The following BICC1 variants were observed in gnomAD, a reference collection of about 807,000 sequenced individuals.
BICC1 encodes the protein protein bicaudal C homolog 1.
Under a neutral mutation model 111.0 loss-of-function variants are expected in BICC1, and 43 were observed. The observed-to-expected ratio is 0.39, with a 90% CI of 0.30 to 0.50. The LOEUF (loss-of-function observed/expected upper bound fraction) is 0.50, where lower values mean the gene tolerates loss of function less well. Ranked by LOEUF, BICC1 falls within the 20% of genes least tolerant of loss-of-function variation. BICC1 has a pLI of 0.88. For missense variants in BICC1, 1,091 were observed against 1,203.2 expected (o/e 0.91, Z 1.38); for synonymous variants, 467 against 434.4 (o/e 1.07, Z -0.93).
chr10:58,599,307 A>C lies in BICC1; in HGVS notation c.191-21548A>C, dbSNP rs113699431. ...AAATGTGGCACATATACACCATGGA[A>C]TACTAGGCAGCCCTAAATAGGGACG... On this transcript the variant is annotated intron_variant, in intron 1 of 20. Transcript: ENST00000373886. Among the ~76,000 whole-genome samples the C allele has an allele frequency of 4.6e-3, 699 of 152,330 alleles. 5 individuals are homozygous for C. The highest frequency in any genetic ancestry group is 0.014 in the African/African-American group (595 of 41,584).
At position 58,557,603 on chromosome 10, in the gene BICC1, A is replaced by T. The variant is rs1172211097; in HGVS notation, c.190+44270A>T. Among the ~76,000 whole-genome samples the T allele has an allele frequency of 2.0e-5, 3 of 152,108 alleles. No homozygotes were observed. The East Asian group carries it at 5.8e-4, about 29-fold the overall frequency. ...ATAATTTCTGTTGCTATGACTGTAAATCCAATCTCACATTTTTTTCTCACA... is the reference window on the plus strand; with the variant it reads ...ATAATTTCTGTTGCTATGACTGTAATTCCAATCTCACATTTTTTTCTCACA... On this transcript the variant is annotated intron_variant, in intron 1 of 20. Transcript: ENST00000373886.
chr10:58,637,196 C>T (rs973637293), intron 2 of BICC1, among the ~76,000 whole-genome samples: 2 of 152,106 alleles, frequency 1.3e-5, no homozygotes, highest in Admixed American at 6.5e-5. Flanking sequence ...ACATTTCCTT[C>T]TCGAGTGAAG....
rs1460851312 is a variant in BICC1 at position 58,671,268 on chromosome 10, G to T, written c.238-30806G>T. Reference sequence around the variant, plus strand: ...AATAAGTTGGAAGGGTATTTGTTATGAAAAAACTCTGTAGCAAGGTAGTCC... The same window carrying T: ...AATAAGTTGGAAGGGTATTTGTTATTAAAAAACTCTGTAGCAAGGTAGTCC... On this transcript the variant is annotated intron_variant, in intron 2 of 20. Coordinates refer to ENST00000373886, the MANE Select transcript of BICC1 (RefSeq NM_001080512.3). Among the ~76,000 whole-genome samples, 3 of 152,144 alleles carry T rather than the reference G, an allele frequency of 2.0e-5. No homozygotes were observed. The South Asian group carries it at 6.2e-4, about 32-fold the overall frequency.
chr10:58,652,187 C>G (rs1034137535), intron 2 of BICC1, among the ~76,000 whole-genome samples: 18 of 152,024 alleles, frequency 1.2e-4, no homozygotes, highest in Non-Finnish European at 2.2e-4. Flanking sequence ...ATGAACATAA[C>G]CAATCTATCA....
chr10:58,819,697 C>A lies in BICC1; in HGVS notation c.2695-672C>A, dbSNP rs7902375. 3.2e-3 allele frequency among the ~76,000 whole-genome samples: 491 copies of A among 152,250 alleles called. 2 individuals carry two copies. The highest frequency in any genetic ancestry group is 0.011 in the African/African-American group (474 of 41,558). On this transcript the variant is annotated intron_variant, in intron 19 of 20. Transcript: ENST00000373886. ...TATTGTCAACCCTCTGTGCCCACAG[C>A]TAGTAATGGCAGAGTCAGGATCGAA...
intron 3 of BICC1, among the ~76,000 whole-genome samples, chr10:58,731,944 A>G (rs1841312575): frequency 6.6e-6 from 1 of 152,228 alleles, no homozygotes. Flanking sequence ...GATCCAAATC[A>G]TATCAAGGCT....
chr10:58,520,788 C>A (rs1842367164), intron 1 of BICC1, among the ~76,000 whole-genome samples: 1 of 152,040 alleles, frequency 6.6e-6, no homozygotes, highest in Admixed American at 6.6e-5. Context: ...AAAAGAAAAA[C>A]CAAGTCATCC....
chr10:58,606,222 G>C (rs1311941236), intron 1 of BICC1, among the ~76,000 whole-genome samples: 1 of 152,094 alleles, frequency 6.6e-6, no homozygotes, highest in Admixed American at 6.6e-5. Flanking sequence ...TTATATAAGG[G>C]AAAGTCTCAG....
chr10:58,807,759 A>G (rs1205182038), intron 17 of BICC1, among the ~76,000 whole-genome samples: 3 of 152,170 alleles, frequency 2.0e-5, no homozygotes, highest in Non-Finnish European at 4.4e-5. Context: ...GCTACACGCG[A>G]TTCACCAAGC....
rs545129708 is a variant in BICC1, at chr10:58,681,174, G to C, written c.238-20900G>C. 5.9e-5 allele frequency among the ~76,000 whole-genome samples: 9 copies of C among 152,274 alleles called. No homozygotes were observed. The South Asian group carries it at 1.9e-3, about 32-fold the overall frequency. On this transcript the variant is annotated intron_variant, in intron 2 of 20. Coordinates refer to ENST00000373886, the MANE Select transcript of BICC1 (RefSeq NM_001080512.3). ...CAACAAAAGCCAAAATTGACAAGTG[G>C]GATCTAATTAAAGAGCTTCTGCCTA...
chr10:58,805,469 T>C (rs149922435), intron 15 of BICC1, among the ~76,000 whole-genome samples: 19 of 152,380 alleles, frequency 1.2e-4, no homozygotes, highest in African/African-American at 4.6e-4. Flanking sequence ...CCTTTAGGCA[T>C]TAATAATTAA....
At chr10:58,568,409 C>T (rs950907454) in intron 1 of BICC1, among the ~76,000 whole-genome samples, 6 of 152,186 alleles carry the variant, frequency 3.9e-5, no homozygotes, top group East Asian at 1.9e-4. Flanking sequence ...GATCACCACA[C>T]TCTAAACCTG....
intron 2 of BICC1, among the ~76,000 whole-genome samples, chr10:58,669,600 A>T (rs1345685514): frequency 6.6e-6 from 1 of 152,112 alleles, no homozygotes; most frequent in African/African-American, 2.4e-5. Context: ...ATTCCTAGGG[A>T]AACATGCAAA....
chr10:58,682,587 G>T (rs1478943951), intron 2 of BICC1, among the ~76,000 whole-genome samples: 8 of 152,134 alleles, frequency 5.3e-5, no homozygotes, highest in African/African-American at 1.9e-4. Context: ...GTATCTCGTT[G>T]TGGTTTTGAT....
intron 1 of BICC1, among the ~76,000 whole-genome samples, chr10:58,534,091 T>C (rs1842760572): frequency 6.6e-6 from 1 of 151,730 alleles, no homozygotes; most frequent in African/African-American, 2.4e-5. Flanking sequence ...AGATATTCCA[T>C]GCAAATGGTA....
chr10:58,677,078 T>A (rs1839368561), intron 2 of BICC1, among the ~76,000 whole-genome samples: 1 of 151,974 alleles, frequency 6.6e-6, no homozygotes, highest in Non-Finnish European at 1.5e-5. Flanking sequence ...GGTAGATAAA[T>A]CCCTGAAGAT....
At chr10:58,601,140 T>TAATATATATATATATA (rs1554810885) in intron 1 of BICC1, among the ~76,000 whole-genome samples, 9,308 of 99,436 alleles carry the variant, frequency 0.094, 1,239 homozygotes, top group Non-Finnish European at 0.11. Flanking sequence ...ATTTTAAAAC[T>TAATATATATATATATA]TATATATATA....
chr10:58,617,521 A>G (rs1845656728), intron 1 of BICC1, among the ~76,000 whole-genome samples: 1 of 152,254 alleles, frequency 6.6e-6, no homozygotes. Flanking sequence ...AGCATGGTAT[A>G]CGAATGGGTC....
intron 3 of BICC1, among the ~76,000 whole-genome samples, chr10:58,769,426 A>AAG (rs1842562472): frequency 7.0e-6 from 1 of 143,044 alleles, no homozygotes; most frequent in African/African-American, 2.6e-5. Flanking sequence ...ATATATATAT[A>AAG]ATCACAGTAT....
Sources: gnomAD v4.1 joint callset for allele counts (sites outside exome capture counted in the v4.1 genomes callset) on GRCh38, gnomAD v4.1.1 for gene constraint, MANE v1.5 for transcripts, NCBI Gene and HGNC (gene_info 2026-07-23, HGNC 2026-07-21) for gene names.